PDGFRL: variants seen among roughly 807,000 people sequenced by gnomAD.
The protein encoded by PDGFRL is platelet derived growth factor receptor like, also known as platelet-derived growth factor receptor-like protein.
PDGFRL carries 46 observed loss-of-function variants against 37.2 expected under a neutral mutation model. The ratio of observed to expected loss-of-function variants is 1.24; its 90% CI spans 0.98 to 1.58. The LOEUF is 1.58. Ranked by LOEUF, PDGFRL falls within the 40% of genes most tolerant of loss-of-function variation. The pLI, the probability that PDGFRL is intolerant of heterozygous loss-of-function variation, is 0.00. For synonymous variants in PDGFRL, 251 were observed against 184.3 expected, an observed-to-expected ratio of 1.36 and a Z score of -2.93; for missense variants, 692 against 467.6, an observed-to-expected ratio of 1.48 and a Z score of -4.43.
chr8:17,625,083 GCA>G (rs1224768992), intron 3 of PDGFRL, among the ~76,000 whole-genome samples: 1 of 151,584 alleles, frequency 6.6e-6, no homozygotes, highest in Non-Finnish European at 1.5e-5. Context: ...CTGGTGTGCT[GCA>G]CCCATTAACT....
In PDGFRL at chr8:17,605,603, C is replaced by T. The variant is rs113949536; in HGVS notation, c.354-15448C>T. Reference sequence around the variant, plus strand: ...GAAACGGAGAATAAGTGGGTCTGGACGAAGGCTTAAATATAACCAATCAAT... The same window carrying T: ...GAAACGGAGAATAAGTGGGTCTGGATGAAGGCTTAAATATAACCAATCAAT... On this transcript the variant is annotated intron_variant, in intron 2 of 5. Transcript: ENST00000251630. 2.0e-5 allele frequency among the ~76,000 whole-genome samples: 3 copies of T among 152,128 alleles called. 1 individual carries two copies. The highest frequency in any genetic ancestry group is 7.2e-5 in the African/African-American group (3 of 41,500).
intron 2 of PDGFRL, among the ~76,000 whole-genome samples, chr8:17,590,888 A>T (rs960852103): frequency 4.2e-5 from 6 of 143,082 alleles, no homozygotes; most frequent in African/African-American, 7.7e-5. Flanking sequence ...ATTATTATTA[A>T]TTTTTTTTTT....
chr8:17,589,427 G>T, intron 1 of PDGFRL, 41 bp from the exon 2 acceptor site: 3 of 1,428,460 alleles, frequency 2.1e-6, no homozygotes, highest in Non-Finnish European at 1.9e-6. Flanking sequence ...TTCCAAAAAT[G>T]TCATTACTAC....
chr8:17,604,595 G>A (rs1804233626), intron 2 of PDGFRL, among the ~76,000 whole-genome samples: 1 of 152,050 alleles, frequency 6.6e-6, no homozygotes, highest in Non-Finnish European at 1.5e-5. Context: ...TGGGGTGGGG[G>A]GATGGGAGAG....
chr8:17,624,988 TTTTTATTTATTA>T (rs1350633933), intron 3 of PDGFRL, among the ~76,000 whole-genome samples: 1 of 106,818 alleles, frequency 9.4e-6, no homozygotes, highest in East Asian at 3.6e-4. Flanking sequence ...TTTATTTTTA[TTTTTATTTATTA>T]TTATTATACT....
chr8:17,638,089 T>A (rs1392736581), intron 5 of PDGFRL, among the ~76,000 whole-genome samples: 1 of 152,198 alleles, frequency 6.6e-6, no homozygotes, highest in Non-Finnish European at 1.5e-5. Context: ...CTGCTATGTT[T>A]GGGTTTGGTT....
intron 1 of PDGFRL, among the ~76,000 whole-genome samples, chr8:17,588,879 C>G (rs1218845711): frequency 6.6e-6 from 1 of 152,116 alleles, no homozygotes; most frequent in Non-Finnish European, 1.5e-5. Flanking sequence ...GTGTGAACTA[C>G]AGGCAGTAAT....
chr8:17,621,139 T>C lies in PDGFRL; in HGVS notation c.442T>C (p.Cys148Arg). 1 of 1,611,520 alleles carries C rather than the reference T, an allele frequency of 6.2e-7. No homozygotes were observed. The highest frequency in any genetic ancestry group is 1.7e-5 in the Admixed American group (1 of 59,960). ...TGAATTCAGCTGCTGGGTGCAGCTC[T>C]GCAGCGGCTACATCTGCAGGAAGGA... Reference protein sequence around the residue: ...TGEFSCWVQLCSGYICRKDEA... With the variant: ...TGEFSCWVQLRSGYICRKDEA... Residue 148 changes from cysteine to arginine, a missense_variant, in exon 3 of 6, where the codon TGC becomes CGC. Physicochemically the swap from Cys to Arg is radical, Grantham distance 180. Coordinates refer to ENST00000251630, the MANE Select transcript of PDGFRL (RefSeq NM_001372073.1).
chr8:17,587,606 C>CT (rs1428309712), intron 1 of PDGFRL, among the ~76,000 whole-genome samples: 1 of 151,980 alleles, frequency 6.6e-6, no homozygotes, highest in African/African-American at 2.4e-5. Context: ...TGCAGTGGTA[C>CT]AATCATAGCT....
intron 3 of PDGFRL, among the ~76,000 whole-genome samples, chr8:17,621,730 T>C (rs1563523735): frequency 6.6e-6 from 1 of 152,242 alleles, no homozygotes; most frequent in Non-Finnish European, 1.5e-5. Context: ...TGGACAGTGC[T>C]GCTGTTGACT....
chr8:17,597,276 C>T (rs1037042345), intron 2 of PDGFRL, among the ~76,000 whole-genome samples: 8 of 152,240 alleles, frequency 5.3e-5, no homozygotes, highest in African/African-American at 1.9e-4. Flanking sequence ...CCACCTTGGC[C>T]TCTCAAAGTC....
chr8:17,616,458 G>C (rs1205352220), intron 2 of PDGFRL, among the ~76,000 whole-genome samples: 1 of 151,342 alleles, frequency 6.6e-6, no homozygotes, highest in African/African-American at 2.4e-5. Flanking sequence ...CTCCCAAAAT[G>C]CTGGGATTAC....
rs191672513 is a variant in PDGFRL, at chr8:17,619,240, C to A, written c.354-1811C>A. Among the ~76,000 whole-genome samples the A allele has an allele frequency of 4.6e-4, 70 of 152,270 alleles. No homozygotes were observed. The East Asian group carries it at 0.011, about 24-fold the overall frequency. On this transcript the variant is annotated intron_variant, in intron 2 of 5. Coordinates refer to ENST00000251630, the MANE Select transcript of PDGFRL (RefSeq NM_001372073.1). ...TTAAAACTGCTTATTTTGGCGCCCC[C>A]ATGTGCTGAGGCTCTCAGCCTCAGG...
intron 3 of PDGFRL, among the ~76,000 whole-genome samples, chr8:17,623,235 G>A (rs1431667175): frequency 6.6e-6 from 1 of 152,134 alleles, no homozygotes; most frequent in Non-Finnish European, 1.5e-5. Flanking sequence ...ACCTTTTGTA[G>A]GACAAGGTGA....
intron 1 of PDGFRL, 114 bp from the exon 2 acceptor site, chr8:17,589,354 C>T: frequency 1.3e-6 from 1 of 776,942 alleles, no homozygotes. Context: ...CCACTGCCCT[C>T]CAACCTGGGC....
At chr8:17,600,490 T>A (rs1804144005) in intron 2 of PDGFRL, among the ~76,000 whole-genome samples, 1 of 152,112 alleles carries the variant, frequency 6.6e-6, no homozygotes, top group Non-Finnish European at 1.5e-5. Context: ...CCTAGCTGCC[T>A]GCTCACAATA....
intron 2 of PDGFRL, among the ~76,000 whole-genome samples, chr8:17,592,805 A>C (rs1022642601): frequency 6.6e-6 from 1 of 151,902 alleles, no homozygotes; most frequent in African/African-American, 2.4e-5. Flanking sequence ...TTCTTTCAAC[A>C]TCTTTGTTTT....
chr8:17,593,598 A>C (rs1369291599), intron 2 of PDGFRL, among the ~76,000 whole-genome samples: 5 of 143,630 alleles, frequency 3.5e-5, no homozygotes, highest in African/African-American at 1.3e-4. Context: ...GACTGTTTCA[A>C]AAAAAAAAAA....
intron 2 of PDGFRL, among the ~76,000 whole-genome samples, chr8:17,615,353 C>G (rs1194547803): frequency 6.6e-6 from 1 of 152,024 alleles, no homozygotes; most frequent in Non-Finnish European, 1.5e-5. Context: ...GCAGATTTTA[C>G]AAGCTGTTAG....
Sources: allele counts gnomAD v4.1 joint callset (sites outside exome capture counted in the v4.1 genomes callset), GRCh38; gene constraint gnomAD v4.1.1; transcripts MANE v1.5; gene names NCBI Gene and HGNC (gene_info 2026-07-23, HGNC 2026-07-21).